Variants in PCDH9 observed in about 807,000 individuals in gnomAD.
PCDH9 encodes protocadherin-9.
A neutral mutation model predicts 70.6 loss-of-function variants in PCDH9; 24 were observed. That is an observed-to-expected ratio of 0.34 (90% CI 0.25 to 0.48). The LOEUF is 0.48. Ranked by LOEUF, PCDH9 falls within the 20% of genes least tolerant of loss-of-function variation. PCDH9 has a pLI of 0.99. For synonymous variants in PCDH9, 562 were observed against 558.5 expected (o/e 1.01, Z -0.09); for missense variants, 1,281 against 1,503.6 (o/e 0.85, Z 2.45).
Position 67,227,427 on chromosome 13 carries a change from A to G in PCDH9, c.1014T>C (p.Thr338=). 1.9e-6 allele frequency: 3 copies of G among 1,613,912 alleles called. No homozygotes were observed. Among genetic ancestry groups the G allele is most frequent in the Non-Finnish European group, 2.5e-6 (3 of 1,179,828 alleles). Residue 338 remains threonine (T), a synonymous_variant, in exon 2 of 5, where the codon ACT becomes ACC. Transcript: ENST00000377865. This position sits in a 1 kb window ranked among gnomAD's most constrained non-coding sequence, Gnocchi z 4.6. ...VTVLASDGSS[T]PARATVTINV... ...TGATGGTAACCGTTGCTCGAGCAGG[A>G]GTGGAGCTGCCGTCACTAGCCAGCA...
intron 2 of PCDH9, among the ~76,000 whole-genome samples, chr13:67,197,856 G>A (rs913670727): frequency 6.6e-6 from 1 of 151,556 alleles, no homozygotes; most frequent in Non-Finnish European, 1.5e-5. Context: ...CCTCTTAAAT[G>A]TATCAATTAA....
At chr13:66,340,167 C>A (rs944356781) in intron 4 of PCDH9, among the ~76,000 whole-genome samples, 1 of 152,128 alleles carries the variant, frequency 6.6e-6, no homozygotes, top group African/African-American at 2.4e-5. Context: ...TCAAATATTT[C>A]AAATTAAACT....
At chr13:67,183,611 A>C (rs2088673306) in intron 2 of PCDH9, among the ~76,000 whole-genome samples, 1 of 152,180 alleles carries the variant, frequency 6.6e-6, no homozygotes, top group African/African-American at 2.4e-5. Flanking sequence ...AAAACCAAAA[A>C]ACCAAATAAG....
At chr13:66,821,690 C>T (rs1485938592) in intron 3 of PCDH9, among the ~76,000 whole-genome samples, 3 of 152,276 alleles carry the variant, frequency 2.0e-5, no homozygotes, top group South Asian at 2.1e-4. Context: ...GAATCCCCAA[C>T]TTAAGAATAA....
chr13:66,444,332 A>C (rs146939888), intron 4 of PCDH9, among the ~76,000 whole-genome samples: 32 of 152,290 alleles, frequency 2.1e-4, no homozygotes, highest in Admixed American at 1.5e-3. Flanking sequence ...GACTGATTTC[A>C]TCAGTTGTAA....
chr13:66,904,342 T>A (rs1039804876), intron 2 of PCDH9, among the ~76,000 whole-genome samples: 22 of 152,006 alleles, frequency 1.4e-4, no homozygotes, highest in African/African-American at 5.3e-4. Context: ...CACACAACTT[T>A]TTCATGTGAA....
chr13:66,641,332 AT>A (rs2138964415), intron 3 of PCDH9, among the ~76,000 whole-genome samples: 1 of 152,324 alleles, frequency 6.6e-6, no homozygotes, highest in East Asian at 1.9e-4. Context: ...TTAGCATAGG[AT>A]TCACAAAAAC....
At chr13:66,648,367 G>T (rs1022234761) in intron 3 of PCDH9, among the ~76,000 whole-genome samples, 3 of 152,162 alleles carry the variant, frequency 2.0e-5, no homozygotes, top group African/African-American at 7.2e-5. Context: ...CAAAGAGAGA[G>T]ACTCCATTTG....
At chr13:66,902,726 A>G (rs1594233552) in intron 3 of PCDH9, among the ~76,000 whole-genome samples, 1 of 151,824 alleles carries the variant, frequency 6.6e-6, no homozygotes, top group Non-Finnish European at 1.5e-5. Context: ...CCATTTCACA[A>G]CAATGCAAAA....
chr13:66,669,290 C>A (rs1033861), intron 3 of PCDH9, among the ~76,000 whole-genome samples: 19,195 of 152,180 alleles, frequency 0.13, 1,291 homozygotes, highest in African/African-American at 0.18. Context: ...CTCATAGTAA[C>A]TTTTCAACCT....
At chr13:67,176,232 GT>G (rs1259405598) in intron 2 of PCDH9, among the ~76,000 whole-genome samples, 1 of 152,148 alleles carries the variant, frequency 6.6e-6, no homozygotes, top group Non-Finnish European at 1.5e-5. Context: ...AAAAAGAGCG[GT>G]GATGCAGAGA....
intron 3 of PCDH9, among the ~76,000 whole-genome samples, chr13:66,795,139 C>G (rs2080221889): frequency 2.0e-5 from 3 of 151,976 alleles, no homozygotes; most frequent in Admixed American, 2.0e-4. Context: ...GTTTGATTAT[C>G]TCTTCTCTAA....
At chr13:67,214,200 A>G (rs907911729) in intron 2 of PCDH9, 1 of 152,256 alleles carries the variant, frequency 6.6e-6, no homozygotes, top group African/African-American at 2.4e-5. Flanking sequence ...TAAAATGAAT[A>G]TAAGTTAAAT....
chr13:66,583,469 G>C (rs1424315308), intron 4 of PCDH9, among the ~76,000 whole-genome samples: 1 of 151,920 alleles, frequency 6.6e-6, no homozygotes, highest in Non-Finnish European at 1.5e-5. Flanking sequence ...AAAATTGGCT[G>C]GGCTTGGGGG....
intron 2 of PCDH9, among the ~76,000 whole-genome samples, chr13:67,188,074 A>G (rs535872195): frequency 4.6e-5 from 7 of 152,182 alleles, no homozygotes; most frequent in Non-Finnish European, 8.8e-5. Flanking sequence ...AAATTTCATG[A>G]GAAATATACA....
At chr13:66,675,892 T>C (rs562823760) in intron 3 of PCDH9, among the ~76,000 whole-genome samples, 3 of 152,282 alleles carry the variant, frequency 2.0e-5, no homozygotes, top group East Asian at 3.9e-4. Context: ...TATGGCGTTG[T>C]CTTCTTAGAT....
intron 2 of PCDH9, among the ~76,000 whole-genome samples, chr13:66,951,439 A>T (rs1285506728): frequency 6.6e-6 from 1 of 151,894 alleles, no homozygotes; most frequent in Non-Finnish European, 1.5e-5. Context: ...TTTTCATATC[A>T]GAAAGAGTGA....
At chr13:66,308,961 CT>C (rs1386624842) in intron 4 of PCDH9, among the ~76,000 whole-genome samples, 3 of 152,014 alleles carry the variant, frequency 2.0e-5, no homozygotes, top group African/African-American at 7.2e-5. Context: ...TGCTTCTCTG[CT>C]GTGTATCATT....
intron 4 of PCDH9, among the ~76,000 whole-genome samples, chr13:66,435,952 G>A (rs1432457940): frequency 2.0e-5 from 3 of 151,654 alleles, no homozygotes; most frequent in Admixed American, 6.6e-5. Flanking sequence ...TCATTCTGAC[G>A]TTTCACATAT....
Sources: gnomAD v4.1 joint callset for allele counts (sites outside exome capture counted in the v4.1 genomes callset) on GRCh38, gnomAD v4.1.1 for gene constraint, Gnocchi (gnomAD v3.1) non-coding constraint, MANE v1.5 for transcripts, NCBI Gene and HGNC (gene_info 2026-07-23, HGNC 2026-07-21) for gene names.